Variants in THSD7B observed in about 807,000 individuals in gnomAD.
The protein encoded by THSD7B is thrombospondin type-1 domain-containing protein 7B.
A neutral mutation model predicts 213.6 loss-of-function variants in THSD7B; 138 were observed. The ratio of observed to expected loss-of-function variants is 0.65; its 90% CI spans 0.56 to 0.74. THSD7B has a LOEUF of 0.74. Among genes scored for constraint, THSD7B ranks in the 30% least tolerant of loss-of-function variants. The pLI, the probability that THSD7B is intolerant of heterozygous loss-of-function variation, is 0.00. For missense variants in THSD7B, 1,931 were observed against 1,991.5 expected (o/e 0.97, Z 0.58); for synonymous variants, 742 against 687.0 (o/e 1.08, Z -1.25).
chr2:137,441,969 G>A (rs558760361), intron 14 of THSD7B, among the ~76,000 whole-genome samples: 1 of 151,990 alleles, frequency 6.6e-6, no homozygotes, highest in African/African-American at 2.4e-5. Flanking sequence ...ATGTTAGTAT[G>A]TCACTTTCAT....
chr2:137,492,981 C>T (rs1335402545), intron 15 of THSD7B, among the ~76,000 whole-genome samples: 7 of 151,136 alleles, frequency 4.6e-5, no homozygotes, highest in East Asian at 1.9e-4. Flanking sequence ...ATTAGCCGGG[C>T]GTGGTGGTGG....
intron 3 of THSD7B, among the ~76,000 whole-genome samples, chr2:137,062,258 A>T (rs1687290431): frequency 6.6e-6 from 1 of 151,348 alleles, no homozygotes; most frequent in South Asian, 2.1e-4. Flanking sequence ...GAGGTTCATT[A>T]ATTTTATCAG....
chr2:137,671,611 C>T (rs1303404626), intron 27 of THSD7B, among the ~76,000 whole-genome samples: 1 of 152,138 alleles, frequency 6.6e-6, no homozygotes, highest in Non-Finnish European at 1.5e-5. Flanking sequence ...CTTATAAAAC[C>T]ATCACATCTT....
intron 1 of THSD7B, among the ~76,000 whole-genome samples, chr2:136,850,012 T>A (rs1683072093): frequency 6.6e-6 from 1 of 152,092 alleles, no homozygotes; most frequent in African/African-American, 2.4e-5. Context: ...TTGGTGTTTA[T>A]AATAACTCTA....
At chr2:136,985,183 C>A (rs116828001) in intron 2 of THSD7B, among the ~76,000 whole-genome samples, 4,579 of 152,188 alleles carry the variant, frequency 0.03, 107 homozygotes, top group South Asian at 0.074. Context: ...GCCTATGGAG[C>A]AACTACTTGC....
At chr2:137,424,578 A>G (rs914757079) in intron 14 of THSD7B, among the ~76,000 whole-genome samples, 1 of 152,224 alleles carries the variant, frequency 6.6e-6, no homozygotes, top group African/African-American at 2.4e-5. Flanking sequence ...GTTTCAAAAT[A>G]CAAAAGTCAA....
intron 12 of THSD7B, among the ~76,000 whole-genome samples, chr2:137,338,042 C>T (rs1684678024): frequency 6.6e-6 from 1 of 152,014 alleles, no homozygotes; most frequent in Non-Finnish European, 1.5e-5. Flanking sequence ...CTTAATGCTT[C>T]TAAAGATTAG....
intron 3 of THSD7B, among the ~76,000 whole-genome samples, chr2:137,073,476 C>A (rs1460790603): frequency 4.6e-5 from 7 of 152,238 alleles, no homozygotes; most frequent in African/African-American, 1.7e-4. Context: ...TGATTCTTCT[C>A]TCTTTTCTTC....
chr2:137,004,346 CAA>C (rs1173605839), intron 2 of THSD7B, among the ~76,000 whole-genome samples: 25 of 133,022 alleles, frequency 1.9e-4, no homozygotes, highest in African/African-American at 5.3e-4. Context: ...CACACACACA[CAA>C]ACTTATTCCA....
Position 137,673,487 on chromosome 2 carries a change from G to A in THSD7B, c.4740-3037G>A, listed in dbSNP as rs180941098. 6.3e-3 allele frequency among the ~76,000 whole-genome samples: 962 copies of A among 152,304 alleles called. 2 individuals carry two copies. The highest frequency in any genetic ancestry group is 0.01 in the Middle Eastern group (3 of 294). ...TGGCATATGTGCCAGGCATTTATGG[G>A]TCCTGATTTAGTGAGTGAGGGAGGT... On this transcript the variant is annotated intron_variant, in intron 27 of 27. Transcript: ENST00000409968.
At chr2:137,160,187 T>C (rs1159726539) in intron 5 of THSD7B, 26 bp from the exon 6 acceptor site, 2 of 1,599,856 alleles carry the variant, frequency 1.3e-6, no homozygotes, top group Non-Finnish European at 1.7e-6. Context: ...GAATGTGACA[T>C]GGTCCGTTAT....
At chr2:137,360,510 T>A (rs185870354) in intron 12 of THSD7B, among the ~76,000 whole-genome samples, 1 of 152,260 alleles carries the variant, frequency 6.6e-6, no homozygotes, top group Admixed American at 6.5e-5. Flanking sequence ...CACTGCCACC[T>A]AAATACTGCA....
At chr2:137,346,236 GT>G (rs1558765216) in intron 12 of THSD7B, among the ~76,000 whole-genome samples, 1 of 151,548 alleles carries the variant, frequency 6.6e-6, no homozygotes, top group East Asian at 1.9e-4. Context: ...CCACTGAAAC[GT>G]TATACTCCTT....
chr2:137,604,342 G>A lies in THSD7B; in HGVS notation c.3424-11833G>A, dbSNP rs150798987. ...ATGTCTTTACTGTCAATAATATTTC[G>A]TTATTATGATGGCTATTATTAAAAC... is the stretch of plus-strand genomic sequence containing the variant. On this transcript the variant is annotated intron_variant, in intron 17 of 27. Transcript: ENST00000409968. Among the ~76,000 whole-genome samples, 27 of 151,992 alleles carry A rather than the reference G, an allele frequency of 1.8e-4. 1 individual carries two copies. In the East Asian group the frequency reaches 4.3e-3, roughly 24 times the overall value.
At chr2:136,773,891 TAA>T (rs79981561) in intron 1 of THSD7B, among the ~76,000 whole-genome samples, 1 of 142,942 alleles carries the variant, frequency 7.0e-6, no homozygotes. Context: ...ATAATCTATT[TAA>T]AAAAAAAAAA....
intron 2 of THSD7B, among the ~76,000 whole-genome samples, chr2:137,039,061 A>G (rs990407168): frequency 6.6e-5 from 10 of 152,208 alleles, no homozygotes; most frequent in Non-Finnish European, 1.3e-4. Flanking sequence ...AGGATGGGTA[A>G]AGCACACAGT....
chr2:137,655,492 C>T lies in THSD7B; in HGVS notation c.3946-9C>T. 1 of 1,601,956 alleles carries T rather than the reference C, an allele frequency of 6.2e-7. No individual in the cohort carries two copies. The highest frequency in any genetic ancestry group is 8.5e-7 in the Non-Finnish European group (1 of 1,173,546). ...TGGGTAATTGTGAAAGTATCCTTTC[C>T]TCTCATAGGGTGGAGACTGTGGGGA... On this transcript the variant is annotated splice_polypyrimidine_tract_variant and intron_variant, in intron 21 of 27. Coordinates refer to ENST00000409968, the MANE Select transcript of THSD7B (RefSeq NM_001316349.2).
intron 1 of THSD7B, among the ~76,000 whole-genome samples, chr2:136,798,509 T>G (rs1275864717): frequency 2.0e-5 from 3 of 152,004 alleles, no homozygotes; most frequent in Non-Finnish European, 4.4e-5. Flanking sequence ...CCTGTCAGAC[T>G]GTTCTGCATA....
rs757245783 is a variant in THSD7B at position 137,275,965 on chromosome 2, G to A, written c.2439G>A (p.Glu813=). 1.9e-6 allele frequency: 3 copies of A among 1,612,330 alleles called. No homozygotes were observed. Among genetic ancestry groups the A allele is most frequent in the Non-Finnish European group, 2.5e-6 (3 of 1,178,946 alleles). The change falls in exon 12 of 28, where the codon GAG becomes GAA. Residue 813 remains glutamate, a synonymous_variant. Transcript: ENST00000409968. ...QKWSPCILVP[E]SVWQGITGSS... ...GGAGCCCTTGCATCTTAGTGCCAGA[G>A]TCTGTCTGGCAGGGAATAACGGGCA...
Sources: gnomAD v4.1 joint callset for allele counts (sites outside exome capture counted in the v4.1 genomes callset) on GRCh38, gnomAD v4.1.1 for gene constraint, MANE v1.5 for transcripts, NCBI Gene and HGNC (gene_info 2026-07-23, HGNC 2026-07-21) for gene names.